The following TIMP2 variants were observed in gnomAD, a reference collection of about 807,000 sequenced individuals.
The protein encoded by TIMP2 is TIMP metallopeptidase inhibitor 2.
Under a neutral mutation model 24.3 loss-of-function variants are expected in TIMP2, and 5 were observed. The ratio of observed to expected loss-of-function variants is 0.21; its 90% CI spans 0.11 to 0.43. The LOEUF is 0.43. TIMP2 is among the 20% of genes least tolerant of loss of function. The probability of loss-of-function intolerance (pLI) is 1.00; values close to 1 mark genes in which losing one functional copy is unlikely to be tolerated. For synonymous variants in TIMP2, 130 were observed against 123.2 expected, an observed-to-expected ratio of 1.06 and a Z score of -0.37; for missense variants, 221 against 297.5, an observed-to-expected ratio of 0.74 and a Z score of 1.89.
In TIMP2 at chr17:78,853,717, C is replaced by A. The variant is rs1164387610; in HGVS notation, c.*1950G>T. 1 of 152,502 alleles carries A rather than the reference C, an allele frequency of 6.6e-6. No homozygotes were observed. The highest frequency in any genetic ancestry group is 1.5e-5 in the Non-Finnish European group (1 of 68,050). 9.4% of individuals were successfully genotyped at this position (152,502 alleles called of 1,614,324 possible). ...TTTTTAAAAAAGTGCAAGTCTAATA[C>A]CTACCAAGGGTAATAAAAAACACAG... On this transcript the variant is annotated 3_prime_UTR_variant, in exon 5 of 5. Transcript: ENST00000262768.
intron 1 of TIMP2, among the ~76,000 whole-genome samples, chr17:78,878,159 C>T (rs6501255): frequency 0.94 from 142,580 of 152,272 alleles, 66,886 homozygotes; most frequent in African/African-American, 0.98. Context: ...GGTTCACATG[C>T]TGTTCTCTTA....
At chr17:78,907,201 GTTCT>G (rs1159896953) in intron 1 of TIMP2, among the ~76,000 whole-genome samples, 11 of 150,954 alleles carry the variant, frequency 7.3e-5, no homozygotes, top group African/African-American at 2.4e-4. Context: ...ACCCAGCTAA[GTTCT>G]TTAATTTTTT....
At chr17:78,875,625 G>A (rs2069721559) in intron 1 of TIMP2, among the ~76,000 whole-genome samples, 1 of 152,132 alleles carries the variant, frequency 6.6e-6, no homozygotes, top group Admixed American at 6.5e-5. Context: ...CAGCTCTTCA[G>A]GGTCACTCTG....
chr17:78,902,477 T>C lies in TIMP2; in HGVS notation c.130+22482A>G, dbSNP rs182414489. 2.3e-3 allele frequency among the ~76,000 whole-genome samples: 353 copies of C among 152,306 alleles called. 7 individuals carry two copies. The highest frequency in any genetic ancestry group is 0.021 in the Admixed American group (329 of 15,304). ...GGGTGGGTCACGTTAGAATGAGTCC[T>C]GGCTAGGCCCACAGCAGGCTTTTCC... is the stretch of plus-strand genomic sequence containing the variant. On this transcript the variant is annotated intron_variant, in intron 1 of 4. Transcript: ENST00000262768.
At chr17:78,914,379 T>A (rs1599176844) in intron 1 of TIMP2, among the ~76,000 whole-genome samples, 1 of 151,776 alleles carries the variant, frequency 6.6e-6, no homozygotes, top group South Asian at 2.1e-4. Flanking sequence ...ACCTCCTGGG[T>A]TCAAGTGATT....
At chr17:78,917,169 G>A (rs1226380406) in intron 1 of TIMP2, among the ~76,000 whole-genome samples, 1 of 149,302 alleles carries the variant, frequency 6.7e-6, no homozygotes, top group African/African-American at 2.5e-5. Context: ...GGAGAATGGC[G>A]TGAACCCAGG....
At chr17:78,877,114 T>C (rs908602175) in intron 1 of TIMP2, among the ~76,000 whole-genome samples, 5 of 152,238 alleles carry the variant, frequency 3.3e-5, no homozygotes, top group African/African-American at 1.2e-4. Context: ...GAGATGACGC[T>C]GACAACTTTG....
chr17:78,860,972 G>A (rs2069562788), intron 3 of TIMP2, among the ~76,000 whole-genome samples: 1 of 149,864 alleles, frequency 6.7e-6, no homozygotes, highest in South Asian at 2.1e-4. Flanking sequence ...GGAGGTGGAA[G>A]TTACAAAGAG....
chr17:78,890,185 C>T (rs2069866997), intron 1 of TIMP2, among the ~76,000 whole-genome samples: 3 of 149,318 alleles, frequency 2.0e-5, no homozygotes, highest in East Asian at 3.9e-4. Context: ...CCCTGGAGGA[C>T]GGTATAATGA....
rs140599940 is a variant in TIMP2, at chr17:78,891,995, T to G, written c.131-18076A>C. On this transcript the variant is annotated intron_variant, in intron 1 of 4. Coordinates refer to ENST00000262768, the MANE Select transcript of TIMP2 (RefSeq NM_003255.5). The surrounding 1 kb of genome is among the most constrained non-coding windows in gnomAD (Gnocchi z 4.5). Reference sequence around the variant, plus strand: ...CCTCTCTTCACTAAGGGCTGCTCTATGCTTCTCCTTGGCCCTCGGGGGCCT... The same window carrying G: ...CCTCTCTTCACTAAGGGCTGCTCTAGGCTTCTCCTTGGCCCTCGGGGGCCT... The G allele has an allele frequency of 9.2e-4, 1,420 of 1,550,698 alleles. 15 individuals are homozygous for G. In the African/African-American group the frequency reaches 0.016, roughly 17 times the overall value.
intron 1 of TIMP2, among the ~76,000 whole-genome samples, chr17:78,878,884 G>T (rs1007616675): frequency 3.9e-5 from 6 of 152,170 alleles, no homozygotes; most frequent in African/African-American, 1.4e-4. Flanking sequence ...CCCCCACTTT[G>T]CAAAATGAGA....
At chr17:78,908,589 G>T (rs939618123) in intron 1 of TIMP2, among the ~76,000 whole-genome samples, 3 of 152,294 alleles carry the variant, frequency 2.0e-5, no homozygotes, top group African/African-American at 7.2e-5. Context: ...CACTCTGTGG[G>T]TGACCTTGGG....
At chr17:78,879,804 C>G (rs1212191341) in intron 1 of TIMP2, among the ~76,000 whole-genome samples, 2 of 152,154 alleles carry the variant, frequency 1.3e-5, no homozygotes, top group Non-Finnish European at 2.9e-5. Flanking sequence ...CGGCTGAATT[C>G]AAAGCACACG....
At chr17:78,904,978 A>T (rs1335165178) in intron 1 of TIMP2, 2 of 152,228 alleles carry the variant, frequency 1.3e-5, no homozygotes, top group Non-Finnish European at 2.9e-5. Flanking sequence ...CATCTCTACT[A>T]AAAATACAAA....
At chr17:78,914,260 C>CATTCATTCATTT (rs746218920) in intron 1 of TIMP2, among the ~76,000 whole-genome samples, 1 of 97,100 alleles carries the variant, frequency 1.0e-5, no homozygotes, top group Non-Finnish European at 2.1e-5. Flanking sequence ...TTTGGCTATT[C>CATTCATTCATTT]ATTTATTTAT....
rs2070007588 is a variant in TIMP2, at chr17:78,896,766, C to G, written c.131-22847G>C. 6.6e-6 allele frequency among the ~76,000 whole-genome samples: 1 copy of G among 152,138 alleles called. No homozygotes were observed. The highest frequency in any genetic ancestry group is 2.1e-4 in the South Asian group (1 of 4,830). Reference sequence around the variant, plus strand: ...ACACCAATCTGGCCTCCGGACGGCACCAGGGCCTCCCACAGAGCGGAGTGG... The same window carrying G: ...ACACCAATCTGGCCTCCGGACGGCAGCAGGGCCTCCCACAGAGCGGAGTGG... On this transcript the variant is annotated intron_variant, in intron 1 of 4. Transcript: ENST00000262768. This position sits in a 1 kb window ranked among gnomAD's most constrained non-coding sequence, Gnocchi z 4.4.
At chr17:78,913,450 C>T (rs553239435) in intron 1 of TIMP2, among the ~76,000 whole-genome samples, 1 of 152,240 alleles carries the variant, frequency 6.6e-6, no homozygotes, top group Non-Finnish European at 1.5e-5. Flanking sequence ...GTGGTTCACG[C>T]TTGTAATCCC....
chr17:78,917,813 A>G (rs1221245318), intron 1 of TIMP2, among the ~76,000 whole-genome samples: 1 of 152,154 alleles, frequency 6.6e-6, no homozygotes, highest in African/African-American at 2.4e-5. Context: ...TCGTGGTGGT[A>G]GTGTCTGAGC....
In TIMP2 at chr17:78,920,769, T is replaced by C. The variant is rs1034798599; in HGVS notation, c.130+4190A>G. Among the ~76,000 whole-genome samples the C allele has an allele frequency of 4.6e-5, 7 of 152,170 alleles. No homozygotes were observed. Among genetic ancestry groups the C allele is most frequent in the Non-Finnish European group, 1.0e-4 (7 of 68,042 alleles). On this transcript the variant is annotated intron_variant, in intron 1 of 4. Coordinates refer to ENST00000262768, the MANE Select transcript of TIMP2 (RefSeq NM_003255.5). The surrounding 1 kb of genome is among the most constrained non-coding windows in gnomAD (Gnocchi z 4.5). ...GAAACCACACTGAGTGGACTGACTT[T>C]ATACCACACCTGGGCAGTTGAGGAG...
Sources: allele counts gnomAD v4.1 joint callset (sites outside exome capture counted in the v4.1 genomes callset), GRCh38; gene constraint gnomAD v4.1.1; non-coding constraint Gnocchi (gnomAD v3.1); transcripts MANE v1.5; gene names NCBI Gene and HGNC (gene_info 2026-07-23, HGNC 2026-07-21).